CLASP1: variants seen among roughly 807,000 people sequenced by gnomAD.
CLASP1 encodes cytoplasmic linker associated protein 1.
In CLASP1, 38 loss-of-function variants were observed where a neutral mutation model predicts 192.3. The ratio of observed to expected loss-of-function variants is 0.20; its 90% confidence interval spans 0.15 to 0.26. The LOEUF (loss-of-function observed/expected upper bound fraction) is 0.26, where lower values mean the gene tolerates loss of function less well. Among genes scored for constraint, CLASP1 ranks in the 10% least tolerant of loss-of-function variants. The pLI is 1.00. For synonymous variants in CLASP1, 691 were observed against 712.8 expected (o/e 0.97, Z 0.49); for missense variants, 1,433 against 1,932.5 (o/e 0.74, Z 4.85).
At chr2:121,611,857 T>G (rs1203642951) in intron 1 of CLASP1, among the ~76,000 whole-genome samples, 2 of 120,886 alleles carry the variant, frequency 1.7e-5, no homozygotes. Flanking sequence ...ATTGGAGGAG[T>G]TACAGGATAA....
At chr2:121,585,279 C>T (rs746068902) in intron 2 of CLASP1, among the ~76,000 whole-genome samples, 2 of 152,168 alleles carry the variant, frequency 1.3e-5, no homozygotes, top group Admixed American at 6.5e-5. Context: ...TAGAAACTGA[C>T]GAGGGGAAGC....
intron 2 of CLASP1, among the ~76,000 whole-genome samples, chr2:121,536,167 G>A (rs907487693): frequency 6.6e-6 from 1 of 151,044 alleles, no homozygotes; most frequent in African/African-American, 2.4e-5. Context: ...AGATCACGAA[G>A]TCAGGAGATC....
chr2:121,468,709 T>G lies in CLASP1; in HGVS notation c.865+1099A>C, dbSNP rs182778688. Among the ~76,000 whole-genome samples, 321 of 152,310 alleles carry G rather than the reference T, an allele frequency of 2.1e-3. 1 individual carries two copies. Among genetic ancestry groups the G allele is most frequent in the Non-Finnish European group, 3.6e-3 (242 of 68,030 alleles). ...ATGGAGTTTTCTAGATATAGGATCA[T>G]GTCATCTGCAAATAAAGATAGTTTG... On this transcript the variant is annotated intron_variant, in intron 9 of 39. Coordinates refer to ENST00000263710, the Ensembl canonical transcript of CLASP1.
intron 2 of CLASP1, among the ~76,000 whole-genome samples, chr2:121,595,290 C>T (rs1028062810): frequency 6.6e-6 from 1 of 152,184 alleles, no homozygotes; most frequent in Non-Finnish European, 1.5e-5. Flanking sequence ...TAGGAATAAT[C>T]ACAGGGCTTA....
chr2:121,426,984 A>T (rs1311276520), intron 21 of CLASP1, among the ~76,000 whole-genome samples: 1 of 151,910 alleles, frequency 6.6e-6, no homozygotes, highest in South Asian at 2.1e-4. Flanking sequence ...TTGAAGCAAC[A>T]CTTACCTGTA....
At chr2:121,526,937 G>A (rs1037981038) in intron 5 of CLASP1, among the ~76,000 whole-genome samples, 1 of 152,036 alleles carries the variant, frequency 6.6e-6, no homozygotes, top group African/African-American at 2.4e-5. Context: ...CCACAATGAG[G>A]TATTACTACA....
intron 33 of CLASP1, among the ~76,000 whole-genome samples, chr2:121,378,695 C>G (rs1033724499): frequency 6.6e-6 from 1 of 152,128 alleles, no homozygotes; most frequent in Non-Finnish European, 1.5e-5. Flanking sequence ...AAGAAAAGAT[C>G]AGATGAATTC....
chr2:121,387,734 T>C (rs1454879229), intron 31 of CLASP1, 29 bp downstream of exon 32: 3 of 1,612,240 alleles, frequency 1.9e-6, no homozygotes, highest in African/African-American at 2.7e-5. Flanking sequence ...GGACATCACA[T>C]AGGCACCAAT....
intron 30 of CLASP1, among the ~76,000 whole-genome samples, chr2:121,394,097 T>C (rs2074857934): frequency 6.6e-6 from 1 of 152,122 alleles, no homozygotes; most frequent in Admixed American, 6.5e-5. Flanking sequence ...CCATAACGTA[T>C]TACACCCTAT....
intron 1 of CLASP1, among the ~76,000 whole-genome samples, chr2:121,628,454 T>C (rs992493766): frequency 2.0e-5 from 3 of 152,086 alleles, no homozygotes; most frequent in African/African-American, 7.2e-5. Context: ...GGTGCGTGGA[T>C]CACTTGAGGC....
At chr2:121,581,526 G>A (rs1228883975) in intron 2 of CLASP1, among the ~76,000 whole-genome samples, 2 of 151,802 alleles carry the variant, frequency 1.3e-5, no homozygotes, top group African/African-American at 2.4e-5. Context: ...CACCCGCCTC[G>A]GCCTCCCAAA....
intron 2 of CLASP1, among the ~76,000 whole-genome samples, chr2:121,599,273 A>G (rs1286019564): frequency 4.0e-5 from 6 of 148,930 alleles, no homozygotes; most frequent in Non-Finnish European, 7.4e-5. Flanking sequence ...TTACTTCTCC[A>G]TTCTCTTTTC....
rs191637266 is a variant in CLASP1, at chr2:121,515,544, C to T, written c.644+121G>A. 29 of 772,212 alleles carry T rather than the reference C, an allele frequency of 3.8e-5. No homozygotes were observed. In the African/African-American group the frequency reaches 3.9e-4, roughly 11 times the overall value. 47.8% of individuals were successfully genotyped at this position (772,212 alleles called of 1,614,324 possible). ...ATAAAATCTCCAACTACCCTCTAAC[C>T]TTATATTCTTTGAATAAAATAACCA... On this transcript the variant is annotated intron_variant, in intron 7 of 39. Coordinates refer to ENST00000263710, the Ensembl canonical transcript of CLASP1.
intron 2 of CLASP1, among the ~76,000 whole-genome samples, chr2:121,553,616 G>A (rs888103609): frequency 9.2e-5 from 14 of 152,178 alleles, no homozygotes; most frequent in African/African-American, 2.6e-4. Flanking sequence ...CAGGGAAATC[G>A]CTTGAACCTG....
chr2:121,578,840 A>G (rs1673349628), intron 2 of CLASP1, among the ~76,000 whole-genome samples: 1 of 152,206 alleles, frequency 6.6e-6, no homozygotes, highest in African/African-American at 2.4e-5. Context: ...AGAGGAATTA[A>G]AAACACACAC....
intron 8 of CLASP1, among the ~76,000 whole-genome samples, chr2:121,482,680 A>G (rs985445065): frequency 6.6e-6 from 1 of 152,190 alleles, no homozygotes; most frequent in Admixed American, 6.5e-5. Flanking sequence ...AGTCCCCAAC[A>G]TAAAACTCTG....
At chr2:121,602,279 C>T (rs748080138) in intron 2 of CLASP1, among the ~76,000 whole-genome samples, 1 of 151,222 alleles carries the variant, frequency 6.6e-6, no homozygotes, top group Non-Finnish European at 1.5e-5. Flanking sequence ...AAGGCCTCTA[C>T]AAGGAAAACT....
At chr2:121,417,692 A>G (rs2149549486) in intron 23 of CLASP1, among the ~76,000 whole-genome samples, 1 of 152,356 alleles carries the variant, frequency 6.6e-6, no homozygotes, top group South Asian at 2.1e-4. Flanking sequence ...ATGGGTCATA[A>G]AGAAATACAT....
intron 1 of CLASP1, among the ~76,000 whole-genome samples, chr2:121,635,217 A>AAAAAAAAAAG (rs2070600617): frequency 6.6e-6 from 1 of 150,430 alleles, no homozygotes; most frequent in Non-Finnish European, 1.5e-5. Context: ...TGTAAAAAAA[A>AAAAAAAAAAG]AAAAGAAAAG....
Sources: allele counts gnomAD v4.1 joint callset (sites outside exome capture counted in the v4.1 genomes callset), GRCh38; gene constraint gnomAD v4.1.1; transcripts MANE v1.5; gene names NCBI Gene and HGNC (gene_info 2026-07-23, HGNC 2026-07-21).